The following ADGRV1 variants were observed in gnomAD, a reference collection of about 807,000 sequenced individuals.
ADGRV1 encodes the protein G-protein coupled receptor 98.
ADGRV1 carries 359 observed loss-of-function variants against 596.2 expected under a neutral mutation model. The ratio of observed to expected loss-of-function variants is 0.60; its 90% CI spans 0.55 to 0.66. The LOEUF (loss-of-function observed/expected upper bound fraction) is 0.66, where lower values mean the gene tolerates loss of function less well. Ranked by LOEUF, ADGRV1 falls within the 30% of genes least tolerant of loss-of-function variation. The pLI, the probability that ADGRV1 is intolerant of heterozygous loss-of-function variation, is 0.00. For missense variants in ADGRV1, 7,274 were observed against 7,575.6 expected (o/e 0.96, Z 1.48); for synonymous variants, 2,681 against 2,679.2 (o/e 1.00, Z -0.02).
chr5:90,967,430 A>G (rs1778574742), intron 84 of ADGRV1, among the ~76,000 whole-genome samples: 1 of 152,234 alleles, frequency 6.6e-6, no homozygotes, highest in South Asian at 2.1e-4. Context: ...AAACTTACAT[A>G]TCTGCTGAAA....
chr5:91,151,717 C>A (rs1796077055), intron 88 of ADGRV1, among the ~76,000 whole-genome samples: 1 of 152,138 alleles, frequency 6.6e-6, no homozygotes, highest in South Asian at 2.1e-4. Context: ...AGTTAGGCAA[C>A]ATTAAAGAGT....
chr5:90,867,917 TAAGTAC>T (rs1768284042), intron 83 of ADGRV1, among the ~76,000 whole-genome samples: 2 of 152,300 alleles, frequency 1.3e-5, no homozygotes, highest in Admixed American at 6.5e-5. Context: ...TGTAAGCGTT[TAAGTAC>T]AAGGATCAAA....
chr5:90,802,636 T>C (rs774405624), intron 70 of ADGRV1, 103 bp from the exon 71 acceptor site: 18 of 978,832 alleles, frequency 1.8e-5, no homozygotes, highest in Admixed American at 6.9e-5. Context: ...ATGAAACTGT[T>C]TGCTACTAAA....
intron 85 of ADGRV1, among the ~76,000 whole-genome samples, chr5:91,035,141 TA>T (rs1784761621): frequency 6.6e-6 from 1 of 152,164 alleles, no homozygotes; most frequent in Non-Finnish European, 1.5e-5. Flanking sequence ...TCCAGCCCTA[TA>T]CTTCTTCCAC....
chr5:90,692,634 T>C lies in ADGRV1; in HGVS notation c.6981T>C (p.Ser2327=). Residue 2327 remains serine (S), a synonymous_variant, in exon 32 of 90, where the codon TCT becomes TCC. Coordinates refer to ENST00000405460, the MANE Select transcript of ADGRV1 (RefSeq NM_032119.4). ...TCCAAGTGCAACTAACTGATGCCTC[T>C]GGTGGAGGTACTATTGGGTTAGATC... ...EVIQVQLTDA[S]GGGTIGLDRI... 6.2e-7 allele frequency: 1 copy of C among 1,610,972 alleles called. No individual in the cohort carries two copies. Among genetic ancestry groups the C allele is most frequent in the Non-Finnish European group, 8.5e-7 (1 of 1,178,646 alleles).
intron 83 of ADGRV1, among the ~76,000 whole-genome samples, chr5:90,891,180 A>G (rs1770783626): frequency 6.8e-6 from 1 of 147,798 alleles, no homozygotes; most frequent in Admixed American, 6.8e-5. Context: ...ATATTATAAT[A>G]TATATTATTT....
In ADGRV1 at chr5:91,030,555, C is replaced by T. The variant is rs967099701; in HGVS notation, c.18153-41892C>T. 9.6e-5 allele frequency among the ~76,000 whole-genome samples: 11 copies of T among 114,822 alleles called. No homozygotes were observed. In the South Asian group the frequency reaches 9.7e-4, roughly 10 times the overall value. 75.3% of individuals were successfully genotyped at this position (114,822 alleles called of 152,430 possible). On this transcript the variant is annotated intron_variant, in intron 85 of 89. Transcript: ENST00000405460. ...CATGTTTTCTATTTTTATTGAGTCA[C>T]TTTTGAGAGTTCTTTTTATGTTTCA...
intron 83 of ADGRV1, among the ~76,000 whole-genome samples, chr5:90,883,949 CCA>C (rs1356441938): frequency 6.6e-6 from 1 of 152,184 alleles, no homozygotes; most frequent in Non-Finnish European, 1.5e-5. Flanking sequence ...TGTGCATCAT[CCA>C]TAGCATTCCT....
At chr5:90,610,862 C>T (rs1762650504) in intron 1 of ADGRV1, among the ~76,000 whole-genome samples, 1 of 151,974 alleles carries the variant, frequency 6.6e-6, no homozygotes, top group Non-Finnish European at 1.5e-5. Context: ...CAAAATGTGG[C>T]TCCTTTCATC....
intron 87 of ADGRV1, among the ~76,000 whole-genome samples, chr5:91,145,093 C>T (rs1028621242): frequency 1.3e-5 from 2 of 152,204 alleles, no homozygotes; most frequent in African/African-American, 2.4e-5. Flanking sequence ...AAATGTCATA[C>T]AATCTGCGTT....
chr5:90,713,671 T>C (rs777678747), intron 42 of ADGRV1, among the ~76,000 whole-genome samples: 4 of 152,174 alleles, frequency 2.6e-5, no homozygotes, highest in Admixed American at 2.6e-4. Context: ...GCAAGGCTAA[T>C]GTTATTCATT....
chr5:90,963,956 T>A (rs1251405709), intron 83 of ADGRV1, among the ~76,000 whole-genome samples: 1 of 151,684 alleles, frequency 6.6e-6, no homozygotes, highest in Non-Finnish European at 1.5e-5. Context: ...GCATGTTGGG[T>A]CTTATGTAAT....
chr5:91,035,844 GTATATATATATATATAT>G (rs1359369987), intron 85 of ADGRV1, among the ~76,000 whole-genome samples: 11 of 34,768 alleles, frequency 3.2e-4, no homozygotes, highest in African/African-American at 7.0e-4. Flanking sequence ...AAATGAGTGT[GTATATATATATATATAT>G]TATATATATA....
Position 90,805,393 on chromosome 5 carries a change from C to T in ADGRV1, c.14771C>T (p.Thr4924Ile), listed in dbSNP as rs538148752. 6.2e-7 allele frequency: 1 copy of T among 1,609,360 alleles called. No individual in the cohort carries two copies. The highest frequency in any genetic ancestry group is 2.2e-5 in the East Asian group (1 of 44,798). Reference protein sequence around the residue: ...TYGALSVAWTTGYAPGLEIPE... With the variant: ...TYGALSVAWTIGYAPGLEIPE... ...GGAGCTCTCTCGGTTGCCTGGACCACTGGATATGCTCCTGGGTTAGAAATT... is the reference window on the plus strand; with the variant it reads ...GGAGCTCTCTCGGTTGCCTGGACCATTGGATATGCTCCTGGGTTAGAAATT... Residue 4924 changes from threonine to isoleucine, a missense_variant, in exon 72 of 90, where the codon ACT becomes ATT. By Grantham distance (89) the Thr-to-Ile change is moderately conservative. Around this residue, in one of 5 missense-constraint regions of ADGRV1, gnomAD observed 1,874 missense variants for 1,970.2 expected, o/e 0.95. Transcript: ENST00000405460.
intron 58 of ADGRV1, 60 bp from the exon 59 acceptor site, chr5:90,763,245 G>A (rs1756698875): frequency 8.0e-7 from 1 of 1,245,732 alleles, no homozygotes; most frequent in African/African-American, 1.5e-5. Flanking sequence ...GATTCTACTT[G>A]TTTATCCTGC....
chr5:90,856,358 G>A (rs1361299161), intron 82 of ADGRV1, among the ~76,000 whole-genome samples: 4 of 152,120 alleles, frequency 2.6e-5, no homozygotes, highest in Admixed American at 2.6e-4. Context: ...CAACTTAAGA[G>A]TTGTGAATAT....
At chr5:90,591,493 A>G (rs1326303011) in intron 1 of ADGRV1, among the ~76,000 whole-genome samples, 1 of 152,214 alleles carries the variant, frequency 6.6e-6, no homozygotes, top group East Asian at 1.9e-4. Context: ...TACTATAATA[A>G]TGACAAAATA....
intron 1 of ADGRV1, among the ~76,000 whole-genome samples, chr5:90,601,210 C>A (rs1251514882): frequency 1.3e-5 from 2 of 150,900 alleles, no homozygotes. Flanking sequence ...GCACTCCAGC[C>A]TGGGCAACAA....
intron 57 of ADGRV1, 53 bp from the exon 58 acceptor site, chr5:90,759,356 C>T (rs1255790642): frequency 8.0e-7 from 1 of 1,252,566 alleles, no homozygotes; most frequent in Non-Finnish European, 1.1e-6. Context: ...CATTTCCTAT[C>T]TTCCTCCTTC....
Sources: allele counts gnomAD v4.1 joint callset (sites outside exome capture counted in the v4.1 genomes callset), GRCh38; gene constraint gnomAD v4.1.1; regional missense constraint gnomAD v4.1.1; transcripts MANE v1.5; gene names NCBI Gene and HGNC (gene_info 2026-07-23, HGNC 2026-07-21).